Variants in VSIG1 observed in about 807,000 individuals in gnomAD.
VSIG1 encodes V-set and immunoglobulin domain containing 1, also known as V-set and immunoglobulin domain-containing protein 1.
A neutral mutation model predicts 20.1 loss-of-function variants in VSIG1; 11 were observed. The ratio of observed to expected loss-of-function variants is 0.55; its 90% CI spans 0.34 to 0.91. VSIG1 has a LOEUF of 0.91. VSIG1 is among the 40% of genes least tolerant of loss of function. VSIG1 has a pLI of 0.02. For missense variants in VSIG1, 283 were observed against 298.8 expected (o/e 0.95, Z 0.39); for synonymous variants, 126 against 116.7 (o/e 1.08, Z -0.52).
upstream of VSIG1, chrX:108,045,044 C>T: frequency 2.4e-6 from 2 of 842,573 alleles, no homozygotes. Context: ...CCAGGCAAAC[C>T]TCGGTGTGAT....
chrX:108,038,851 A>T, the VSIG1 span, among the ~76,000 whole-genome samples: 15 of 111,879 alleles, frequency 1.3e-4, no homozygotes, highest in Non-Finnish European at 2.6e-4. Context: ...TTATTTTTTT[A>T]AATTTTAATA....
At chrX:108,037,051 T>C in the VSIG1 span, among the ~76,000 whole-genome samples, 1 of 111,693 alleles carries the variant, frequency 9.0e-6, no homozygotes, top group South Asian at 3.7e-4. Context: ...CAGGGGGATC[T>C]TTAAGAGGAG....
At chrX:108,047,953 T>C (rs200800374) in intron 1 of VSIG1, among the ~76,000 whole-genome samples, 1,232 of 14,935 alleles carry the variant, frequency 0.082, 115 homozygotes, top group African/African-American at 0.12. Flanking sequence ...TATATATATA[T>C]ACACACACAT....
intron 5 of VSIG1, 148 bp from the exon 6 acceptor site, chrX:108,075,929 A>T: frequency 1.6e-6 from 1 of 629,858 alleles, no homozygotes. Context: ...AGTCCAAATG[A>T]CAGAGTTCTA....
At chrX:108,061,163 G>T (rs185196441) in intron 2 of VSIG1, among the ~76,000 whole-genome samples, 1 of 112,761 alleles carries the variant, frequency 8.9e-6, no homozygotes, top group African/African-American at 3.2e-5. Context: ...ATGGGATTTG[G>T]CCTCCATTTC....
intron 3 of VSIG1, 119 bp from the exon 4 acceptor site, chrX:108,072,557 AT>A: frequency 4.9e-6 from 4 of 816,561 alleles, no homozygotes; most frequent in African/African-American, 2.1e-5. Context: ...CTGGCCAAGA[AT>A]TTTTTTTAAA....
the VSIG1 span, among the ~76,000 whole-genome samples, chrX:108,031,017 A>T: frequency 8.9e-6 from 1 of 112,257 alleles, no homozygotes; most frequent in Non-Finnish European, 1.9e-5. Context: ...TGCACTTCCC[A>T]CTCAGATGCA....
Position 108,077,205 on chromosome X carries a change from C to G in VSIG1, c.988C>G (p.Pro330Ala), listed in dbSNP as rs1569293831. Reference protein sequence around the residue: ...YEPKPTQEPAPEPAPGSEPMA... With the variant: ...YEPKPTQEPAAEPAPGSEPMA... ...GCCAAAGCCTACTCAGGAGCCTGCC[C>G]CAGAGCCTGCCCCAGGATCAGAGCC... Residue 330 changes from proline to alanine, a missense_variant, in exon 7 of 7, where the codon CCA (proline) becomes GCA (alanine). Coordinates refer to ENST00000217957, the MANE Select transcript of VSIG1 (RefSeq NM_182607.5). 2.5e-6 allele frequency: 3 copies of G among 1,210,279 alleles called. No individual in the cohort carries two copies. The highest frequency in any genetic ancestry group is 3.4e-6 in the Non-Finnish European group (3 of 895,339).
At chrX:108,075,776 T>C (rs2031336404) in intron 5 of VSIG1, among the ~76,000 whole-genome samples, 1 of 111,547 alleles carries the variant, frequency 9.0e-6, no homozygotes. Context: ...AACAGAGGCT[T>C]ATCTCTAGTG....
intron 2 of VSIG1, among the ~76,000 whole-genome samples, chrX:108,066,539 T>C (rs1026499574): frequency 1.5e-4 from 15 of 103,338 alleles, no homozygotes; most frequent in African/African-American, 5.2e-4. Context: ...TATAAAATGG[T>C]AAAAAAAAAA....
the VSIG1 span, among the ~76,000 whole-genome samples, chrX:108,026,205 C>T: frequency 8.9e-6 from 1 of 111,830 alleles, no homozygotes; most frequent in Non-Finnish European, 1.9e-5. Context: ...GGAGGGAACA[C>T]CCAGATTTCT....
chrX:108,069,861 A>G (rs1266951797), intron 3 of VSIG1, among the ~76,000 whole-genome samples: 1 of 111,641 alleles, frequency 9.0e-6, no homozygotes, highest in Non-Finnish European at 1.9e-5. Flanking sequence ...GAAAGGGCAA[A>G]AAGCTGTATC....
At chrX:108,020,904 A>G in the VSIG1 span, among the ~76,000 whole-genome samples, 1 of 111,857 alleles carries the variant, frequency 8.9e-6, no homozygotes, top group Non-Finnish European at 1.9e-5. Flanking sequence ...GCTGCTGAAC[A>G]GCTAATCTGT....
chrX:108,023,467 T>A, the VSIG1 span, among the ~76,000 whole-genome samples: 1 of 112,275 alleles, frequency 8.9e-6, no homozygotes, highest in South Asian at 3.7e-4. Context: ...ATAGAATGAA[T>A]TGAAACATGT....
chrX:108,019,494 G>A, the VSIG1 span, among the ~76,000 whole-genome samples: 1 of 112,417 alleles, frequency 8.9e-6, no homozygotes, highest in South Asian at 3.7e-4. Context: ...TATTGAACAG[G>A]TTGAGGTTGC....
chrX:108,045,003 C>T (rs776734315), upstream of VSIG1: 2 of 425,002 alleles, frequency 4.7e-6, no homozygotes, highest in South Asian at 1.7e-4. Flanking sequence ...CCCAAAGAGG[C>T]ATGTTTGCTT....
chrX:108,023,407 T>C, the VSIG1 span, among the ~76,000 whole-genome samples: 1 of 112,200 alleles, frequency 8.9e-6, no homozygotes, highest in Non-Finnish European at 1.9e-5. Context: ...TTTTGGTTTG[T>C]AGTTTTCTTG....
chrX:108,064,661 T>C, intron 2 of VSIG1: 1 of 581,007 alleles, frequency 1.7e-6, no homozygotes, highest in Non-Finnish European at 2.1e-6. Flanking sequence ...CATTGTGATG[T>C]CATCAAGCAT....
At chrX:108,072,247 TTAA>T (rs2031263472) in intron 3 of VSIG1, among the ~76,000 whole-genome samples, 1 of 109,827 alleles carries the variant, frequency 9.1e-6, no homozygotes, top group East Asian at 2.9e-4. Flanking sequence ...AACATACATT[TTAA>T]TAATTTTTTT....
Sources: gnomAD v4.1 joint callset for allele counts (sites outside exome capture counted in the v4.1 genomes callset) on GRCh38, gnomAD v4.1.1 for gene constraint, MANE v1.5 for transcripts, NCBI Gene and HGNC (gene_info 2026-07-23, HGNC 2026-07-21) for gene names.